Variants in CERS6 observed in about 807,000 individuals in gnomAD.
CERS6 encodes LAG1 homolog, ceramide synthase 6.
In CERS6, 26 loss-of-function variants were observed where a neutral mutation model predicts 56.8. That is an observed-to-expected ratio of 0.46 (90% confidence interval 0.34 to 0.63). The LOEUF is 0.63. Among genes scored for constraint, CERS6 ranks in the 30% least tolerant of loss-of-function variants. CERS6 has a pLI of 0.01. For missense variants in CERS6, 415 were observed against 467.5 expected (o/e 0.89, Z 1.04); for synonymous variants, 164 against 173.3 (o/e 0.95, Z 0.42).
At chr2:168,562,470 G>A (rs2105382695) in intron 3 of CERS6, among the ~76,000 whole-genome samples, 1 of 152,322 alleles carries the variant, frequency 6.6e-6, no homozygotes, top group South Asian at 2.1e-4. Context: ...TGTAGTAGGA[G>A]AGCAGGGTGA....
chr2:168,541,374 C>T (rs1424484810), intron 1 of CERS6, among the ~76,000 whole-genome samples: 5 of 152,160 alleles, frequency 3.3e-5, no homozygotes, highest in Non-Finnish European at 5.9e-5. Flanking sequence ...TATTGTTCCC[C>T]CTAGTTTGTC....
chr2:168,578,121 A>G (rs1683322977), intron 3 of CERS6, among the ~76,000 whole-genome samples: 1 of 151,992 alleles, frequency 6.6e-6, no homozygotes, highest in South Asian at 2.1e-4. Flanking sequence ...GGTGCAGATT[A>G]GCTGCAGGCA....
At chr2:168,729,748 G>T (rs1348032304) in intron 8 of CERS6, among the ~76,000 whole-genome samples, 2 of 152,210 alleles carry the variant, frequency 1.3e-5, no homozygotes, top group Admixed American at 1.3e-4. Flanking sequence ...TCTGTTCCTT[G>T]TGGGGCTATG....
chr2:168,613,827 A>G (rs1286116030), intron 3 of CERS6, among the ~76,000 whole-genome samples: 1 of 152,196 alleles, frequency 6.6e-6, no homozygotes, highest in African/African-American at 2.4e-5. Context: ...GCTCAGTCTC[A>G]CTGTCTTCCC....
intron 3 of CERS6, among the ~76,000 whole-genome samples, chr2:168,578,674 T>G (rs1367948793): frequency 1.3e-5 from 2 of 152,148 alleles, no homozygotes; most frequent in African/African-American, 4.8e-5. Context: ...TCTAGTTTTT[T>G]CTCTTTATAC....
At chr2:168,662,127 C>CTTTTT (rs71397658) in intron 4 of CERS6, among the ~76,000 whole-genome samples, 23 of 136,820 alleles carry the variant, frequency 1.7e-4, no homozygotes, top group East Asian at 4.2e-4. Flanking sequence ...AAGGCTGTCT[C>CTTTTT]TTTTTTTTTT....
intron 6 of CERS6, among the ~76,000 whole-genome samples, chr2:168,695,302 G>T (rs950200719): frequency 6.6e-6 from 1 of 151,982 alleles, no homozygotes; most frequent in African/African-American, 2.4e-5. Context: ...ATGAATCCCC[G>T]TAGAAATGAT....
At chr2:168,765,548 A>G in intron 8 of CERS6, 44 bp from the exon 9 acceptor site, 2 of 1,597,124 alleles carry the variant, frequency 1.3e-6, no homozygotes, top group Admixed American at 1.7e-5. Context: ...TTGGAAAGCA[A>G]AGGAAAATGC....
intron 1 of CERS6, among the ~76,000 whole-genome samples, chr2:168,464,026 G>A (rs1693823747): frequency 6.6e-6 from 1 of 152,160 alleles, no homozygotes; most frequent in South Asian, 2.1e-4. Flanking sequence ...AATTTTCTGT[G>A]AATTCAGGTA....
chr2:168,699,121 G>T (rs1686741385), intron 6 of CERS6, among the ~76,000 whole-genome samples: 1 of 152,116 alleles, frequency 6.6e-6, no homozygotes, highest in Non-Finnish European at 1.5e-5. Flanking sequence ...TTGCTGAATG[G>T]CCCCATGGGT....
intron 1 of CERS6, among the ~76,000 whole-genome samples, chr2:168,504,907 G>T (rs1241474066): frequency 1.3e-5 from 2 of 152,162 alleles, no homozygotes; most frequent in Non-Finnish European, 1.5e-5. Flanking sequence ...GGTGCTGAGT[G>T]AATTAGACCT....
intron 8 of CERS6, among the ~76,000 whole-genome samples, chr2:168,730,889 A>G (rs1457670283): frequency 6.6e-6 from 1 of 152,136 alleles, no homozygotes; most frequent in Non-Finnish European, 1.5e-5. Context: ...AGTTATTCCG[A>G]AGTTATGAAG....
chr2:168,711,707 C>G lies in CERS6; in HGVS notation c.610-3294C>G, dbSNP rs1687094484. On this transcript the variant is annotated intron_variant, in intron 6 of 9. Coordinates refer to ENST00000305747, the MANE Select transcript of CERS6 (RefSeq NM_203463.3). ...TGAGATCCCACCATTGTACTCCAGCCTGAGTGACAGAGCGAGACTGTCTCA... is the reference window on the plus strand; with the variant it reads ...TGAGATCCCACCATTGTACTCCAGCGTGAGTGACAGAGCGAGACTGTCTCA... 2.2e-5 allele frequency among the ~76,000 whole-genome samples: 3 copies of G among 139,012 alleles called. No homozygotes were observed. The South Asian group carries it at 6.8e-4, about 31-fold the overall frequency. The allele number at this position is 139,012 out of a possible 152,430, so 91.2% of individuals were successfully genotyped here.
chr2:168,498,606 G>A (rs1430818216), intron 1 of CERS6, among the ~76,000 whole-genome samples: 1 of 152,204 alleles, frequency 6.6e-6, no homozygotes, highest in Non-Finnish European at 1.5e-5. Flanking sequence ...ACCTGGGAGT[G>A]GAGACTTAAC....
chr2:168,756,548 A>G (rs1684421304), intron 8 of CERS6, among the ~76,000 whole-genome samples: 1 of 152,254 alleles, frequency 6.6e-6, no homozygotes, highest in Non-Finnish European at 1.5e-5. Context: ...CAAATGGGTT[A>G]TTTAAGCAGG....
At chr2:168,655,156 G>A (rs1685437891) in intron 4 of CERS6, among the ~76,000 whole-genome samples, 1 of 151,998 alleles carries the variant, frequency 6.6e-6, no homozygotes, top group Admixed American at 6.6e-5. Context: ...CACTAAGCAG[G>A]GAAATATAGA....
intron 3 of CERS6, among the ~76,000 whole-genome samples, chr2:168,592,298 C>T (rs758352588): frequency 4.6e-5 from 7 of 152,056 alleles, no homozygotes; most frequent in Non-Finnish European, 1.0e-4. Flanking sequence ...ACTCTTCCAG[C>T]TGTGGGCAGA....
chr2:168,677,933 A>G (rs1686106237), intron 4 of CERS6, among the ~76,000 whole-genome samples: 1 of 152,174 alleles, frequency 6.6e-6, no homozygotes, highest in South Asian at 2.1e-4. Flanking sequence ...GCCAACAAAC[A>G]TATGAAAAAA....
intron 1 of CERS6, among the ~76,000 whole-genome samples, chr2:168,459,803 C>T (rs769860381): frequency 1.6e-4 from 24 of 152,150 alleles, no homozygotes; most frequent in Non-Finnish European, 2.9e-4. Flanking sequence ...GTAAGCCATT[C>T]TCAGGAACTA....
Sources: allele counts gnomAD v4.1 joint callset (sites outside exome capture counted in the v4.1 genomes callset), GRCh38; gene constraint gnomAD v4.1.1; transcripts MANE v1.5; gene names NCBI Gene and HGNC (gene_info 2026-07-23, HGNC 2026-07-21).